ERC2: variants seen among roughly 807,000 people sequenced by gnomAD.
The protein encoded by ERC2 is ELKS/RAB6-interacting/CAST family member 2.
ERC2 carries 42 observed loss-of-function variants against 114.8 expected under a neutral mutation model. The ratio of observed to expected loss-of-function variants is 0.37; its 90% CI spans 0.29 to 0.47. The LOEUF (loss-of-function observed/expected upper bound fraction) is 0.47, where lower values mean the gene tolerates loss of function less well. Among genes scored for constraint, ERC2 ranks in the 20% least tolerant of loss-of-function variants. The pLI is 0.99. For missense variants in ERC2, 939 were observed against 1,150.7 expected, an observed-to-expected ratio of 0.82 and a Z score of 2.66; for synonymous variants, 454 against 425.5, an observed-to-expected ratio of 1.07 and a Z score of -0.82.
At chr3:56,292,139 T>G (rs1455184652) in intron 3 of ERC2, among the ~76,000 whole-genome samples, 1 of 152,172 alleles carries the variant, frequency 6.6e-6, no homozygotes, top group Non-Finnish European at 1.5e-5. Flanking sequence ...TAATGCATAT[T>G]TGCATATTAA....
intron 2 of ERC2, 31 bp from the exon 3 acceptor site, chr3:56,296,466 G>T: frequency 6.4e-7 from 1 of 1,562,576 alleles, no homozygotes; most frequent in Admixed American, 2.0e-5. Context: ...CGGGAGAGGA[G>T]AAAGAAGGAA....
intron 17 of ERC2, among the ~76,000 whole-genome samples, chr3:55,552,792 T>G (rs2055308863): frequency 6.6e-6 from 1 of 151,980 alleles, no homozygotes; most frequent in South Asian, 2.1e-4. Context: ...GGACTCATTT[T>G]CTGTTGCTTT....
intron 3 of ERC2, among the ~76,000 whole-genome samples, chr3:56,240,591 A>C (rs1206662444): frequency 1.3e-5 from 2 of 152,214 alleles, no homozygotes; most frequent in Non-Finnish European, 2.9e-5. Context: ...TATAAGAAGC[A>C]TCTTAATTTA....
chr3:55,706,583 T>G (rs1432759791), intron 15 of ERC2, among the ~76,000 whole-genome samples: 1 of 151,994 alleles, frequency 6.6e-6, no homozygotes, highest in Non-Finnish European at 1.5e-5. Flanking sequence ...TTTTATTTTT[T>G]GTATTTTTAG....
intron 14 of ERC2, among the ~76,000 whole-genome samples, chr3:55,767,415 T>C (rs2067880469): frequency 6.6e-6 from 1 of 152,188 alleles, no homozygotes; most frequent in African/African-American, 2.4e-5. Flanking sequence ...CTGGCCGTCT[T>C]AACTGTGGGC....
At chr3:55,512,051 T>C (rs555167313) in intron 17 of ERC2, among the ~76,000 whole-genome samples, 44 of 152,216 alleles carry the variant, frequency 2.9e-4, no homozygotes, top group Non-Finnish European at 5.7e-4. Context: ...CTGGGAAATA[T>C]GGCAGGGAGA....
chr3:55,935,456 A>G (rs1264264609), intron 13 of ERC2, among the ~76,000 whole-genome samples: 1 of 152,188 alleles, frequency 6.6e-6, no homozygotes, highest in Admixed American at 6.5e-5. Context: ...ACCACTGTGC[A>G]TTTGCTGAAT....
chr3:56,109,924 C>A (rs1406737698), intron 6 of ERC2, among the ~76,000 whole-genome samples: 2 of 152,068 alleles, frequency 1.3e-5, no homozygotes, highest in Non-Finnish European at 2.9e-5. Context: ...GTATGTACAG[C>A]CAAAAACCTC....
chr3:56,167,809 G>C (rs1207917665), intron 4 of ERC2, among the ~76,000 whole-genome samples: 1 of 152,172 alleles, frequency 6.6e-6, no homozygotes, highest in Non-Finnish European at 1.5e-5. Flanking sequence ...AATGCAGGGG[G>C]AGAAACAGGG....
chr3:55,973,064 T>A (rs755874981), intron 12 of ERC2, among the ~76,000 whole-genome samples: 2 of 151,746 alleles, frequency 1.3e-5, no homozygotes, highest in Non-Finnish European at 2.9e-5. Context: ...AGCCAGGAGG[T>A]GGAGTTGGAT....
intron 12 of ERC2, among the ~76,000 whole-genome samples, chr3:55,952,179 A>ACTCT (rs775838556): frequency 0.027 from 1,669 of 62,044 alleles, 74 homozygotes; most frequent in South Asian, 0.043. Context: ...ACACACACAC[A>ACTCT]CTCTCTCTCT....
At chr3:55,852,853 C>T (rs1261125596) in intron 14 of ERC2, among the ~76,000 whole-genome samples, 1 of 152,170 alleles carries the variant, frequency 6.6e-6, no homozygotes, top group Non-Finnish European at 1.5e-5. Flanking sequence ...AAATTATTGG[C>T]ATAGTCATTA....
intron 3 of ERC2, among the ~76,000 whole-genome samples, chr3:56,202,931 C>T (rs2048489165): frequency 6.6e-6 from 1 of 152,196 alleles, no homozygotes; most frequent in Admixed American, 6.5e-5. Flanking sequence ...ATGGTAAGCT[C>T]AAGCTCTTAA....
chr3:55,840,464 A>T (rs1167086656), intron 14 of ERC2, among the ~76,000 whole-genome samples: 1 of 151,704 alleles, frequency 6.6e-6, no homozygotes, highest in East Asian at 2.0e-4. Flanking sequence ...TGGCTAAATT[A>T]AAAGGATTGA....
chr3:55,884,262 A>G (rs2063260117), intron 14 of ERC2, among the ~76,000 whole-genome samples: 1 of 152,208 alleles, frequency 6.6e-6, no homozygotes, highest in African/African-American at 2.4e-5. Flanking sequence ...AAATAATGCA[A>G]TCCTATGTTT....
intron 14 of ERC2, among the ~76,000 whole-genome samples, chr3:55,797,258 A>G (rs2070591756): frequency 6.6e-6 from 1 of 152,220 alleles, no homozygotes; most frequent in African/African-American, 2.4e-5. Context: ...ACAAAATTCC[A>G]AAACTGAGCT....
chr3:56,238,637 T>C (rs1203185170), intron 3 of ERC2, among the ~76,000 whole-genome samples: 6 of 152,190 alleles, frequency 3.9e-5, no homozygotes, highest in African/African-American at 1.4e-4. Context: ...AAGGCAGGCA[T>C]AGCTTAATTG....
At chr3:56,300,532 A>T (rs2055801915) in intron 2 of ERC2, among the ~76,000 whole-genome samples, 1 of 152,174 alleles carries the variant, frequency 6.6e-6, no homozygotes, top group Non-Finnish European at 1.5e-5. Context: ...AGAATGATGG[A>T]AAGAGAAGAG....
intron 6 of ERC2, among the ~76,000 whole-genome samples, chr3:56,102,978 G>T (rs995680148): frequency 1.3e-5 from 2 of 152,144 alleles, no homozygotes; most frequent in Non-Finnish European, 2.9e-5. Flanking sequence ...AAATGAGATA[G>T]TCCTATCTTT....
Sources: allele counts gnomAD v4.1 joint callset (sites outside exome capture counted in the v4.1 genomes callset), GRCh38; gene constraint gnomAD v4.1.1; transcripts MANE v1.5; gene names NCBI Gene and HGNC (gene_info 2026-07-23, HGNC 2026-07-21).